Variants in ITPR2 observed in about 807,000 individuals in gnomAD.
ITPR2 encodes inositol 1,4,5-trisphosphate-gated calcium channel ITPR2.
A neutral mutation model predicts 317.1 loss-of-function variants in ITPR2; 207 were observed. The ratio of observed to expected loss-of-function variants is 0.65; its 90% CI spans 0.58 to 0.73. The LOEUF (loss-of-function observed/expected upper bound fraction) is 0.73, where lower values mean the gene tolerates loss of function less well. ITPR2 is among the 30% of genes least tolerant of loss of function. The pLI, the probability that ITPR2 is intolerant of heterozygous loss-of-function variation, is 0.00. For synonymous variants in ITPR2, 1,156 were observed against 1,149.1 expected (o/e 1.01, Z -0.12); for missense variants, 2,613 against 3,284.0 (o/e 0.80, Z 4.99).
chr12:26,514,702 G>A (rs761003876), intron 37 of ITPR2, among the ~76,000 whole-genome samples: 3 of 152,124 alleles, frequency 2.0e-5, no homozygotes, highest in African/African-American at 4.8e-5. Context: ...GCCAAGAACC[G>A]TATGTTAAAA....
intron 1 of ITPR2, 66 bp downstream of exon 1, chr12:26,832,624 G>A (rs1312574801): frequency 8.0e-7 from 1 of 1,243,194 alleles, no homozygotes; most frequent in African/African-American, 1.6e-5. Context: ...GGCGGCGGAG[G>A]AGGGACAGGG....
intron 37 of ITPR2, among the ~76,000 whole-genome samples, chr12:26,524,360 T>C (rs1352038357): frequency 6.6e-6 from 1 of 152,206 alleles, no homozygotes; most frequent in Non-Finnish European, 1.5e-5. Flanking sequence ...ACTCATCATT[T>C]TATTTGCAGG....
chr12:26,589,847 T>C (rs1208635682), intron 32 of ITPR2, among the ~76,000 whole-genome samples: 4 of 36,088 alleles, frequency 1.1e-4, no homozygotes, highest in East Asian at 1.2e-3. Context: ...TATATATATA[T>C]ATATATACAC....
At chr12:26,640,763 T>A (rs576729635) in intron 21 of ITPR2, among the ~76,000 whole-genome samples, 471 of 5,460 alleles carry the variant, frequency 0.086, 4 homozygotes, top group African/African-American at 0.3. Flanking sequence ...CTCTAAATAT[T>A]TTTTGTGCTT....
intron 55 of ITPR2, among the ~76,000 whole-genome samples, chr12:26,341,001 T>A (rs1938094597): frequency 6.6e-6 from 1 of 152,150 alleles, no homozygotes; most frequent in Non-Finnish European, 1.5e-5. Context: ...TTTGTGTGTG[T>A]GTGTGTTTTT....
At chr12:26,550,145 T>C (rs1944487761) in intron 37 of ITPR2, 102 bp downstream of exon 37, 1 of 552,032 alleles carries the variant, frequency 1.8e-6, no homozygotes, top group South Asian at 2.7e-5. Context: ...ATCATTAAGA[T>C]ATAATGCAAG....
chr12:26,483,989 T>G, intron 41 of ITPR2, 91 bp from the exon 42 acceptor site: 1 of 1,109,786 alleles, frequency 9.0e-7, no homozygotes, highest in Non-Finnish European at 1.3e-6. Context: ...TTTTCTAACT[T>G]TTCTTTGTAA....
At chr12:26,657,961 T>A in intron 17 of ITPR2, 50 bp downstream of exon 17, 1 of 1,601,586 alleles carries the variant, frequency 6.2e-7, no homozygotes, top group African/African-American at 1.3e-5. Flanking sequence ...AGAATTACAG[T>A]GCTTACAAAT....
At chr12:26,518,080 C>T (rs1241763937) in intron 37 of ITPR2, among the ~76,000 whole-genome samples, 1 of 152,132 alleles carries the variant, frequency 6.6e-6, no homozygotes, top group Non-Finnish European at 1.5e-5. Context: ...CAATGTTCAT[C>T]ACAACACCAT....
chr12:26,641,229 T>G (rs940687437), intron 21 of ITPR2, among the ~76,000 whole-genome samples: 1 of 151,728 alleles, frequency 6.6e-6, no homozygotes, highest in Non-Finnish European at 1.5e-5. Flanking sequence ...AAGGAGTGAT[T>G]CTTTGTTTAA....
chr12:26,749,706 C>T (rs1486846554), intron 2 of ITPR2, among the ~76,000 whole-genome samples: 1 of 152,170 alleles, frequency 6.6e-6, no homozygotes, highest in Non-Finnish European at 1.5e-5. Context: ...CCTTAATATT[C>T]CATTTTCTTC....
chr12:26,711,329 C>A, intron 8 of ITPR2, 61 bp from the exon 9 acceptor site: 2 of 1,142,598 alleles, frequency 1.8e-6, no homozygotes, highest in Non-Finnish European at 1.3e-6. Flanking sequence ...CAAGCAAACA[C>A]CAACAGTTTA....
intron 55 of ITPR2, among the ~76,000 whole-genome samples, chr12:26,374,126 A>T (rs1939270909): frequency 6.6e-6 from 1 of 152,190 alleles, no homozygotes; most frequent in African/African-American, 2.4e-5. Context: ...ATCACTTGTA[A>T]ACTCAAATGG....
At chr12:26,510,357 C>T (rs987708800) in intron 37 of ITPR2, among the ~76,000 whole-genome samples, 2 of 152,110 alleles carry the variant, frequency 1.3e-5, no homozygotes, top group African/African-American at 4.8e-5. Context: ...TGGTATTTGC[C>T]AACCATTTCA....
At chr12:26,674,061 G>A (rs867725364) in intron 13 of ITPR2, among the ~76,000 whole-genome samples, 2,849 of 139,768 alleles carry the variant, frequency 0.02, 41 homozygotes, top group Non-Finnish European at 0.032. Context: ...CAAACAAATG[G>A]AAGAACATTC....
At chr12:26,702,174 T>A (rs1174790917) in intron 9 of ITPR2, among the ~76,000 whole-genome samples, 2 of 152,134 alleles carry the variant, frequency 1.3e-5, no homozygotes, top group Non-Finnish European at 2.9e-5. Flanking sequence ...TCGATGAGTG[T>A]GTGGACAGCT....
chr12:26,539,702 C>T (rs1427679036), intron 37 of ITPR2, among the ~76,000 whole-genome samples: 1 of 152,168 alleles, frequency 6.6e-6, no homozygotes, highest in Non-Finnish European at 1.5e-5. Context: ...AACAGCAGTC[C>T]CCTGGTCCCA....
At chr12:26,783,757 T>A (rs1163217925) in intron 2 of ITPR2, among the ~76,000 whole-genome samples, 1 of 152,186 alleles carries the variant, frequency 6.6e-6, no homozygotes, top group Non-Finnish European at 1.5e-5. Context: ...TATGAGTACA[T>A]AACGTCTGTG....
Position 26,556,375 on chromosome 12 carries a change from C to G in ITPR2, c.4822G>C (p.Asp1608His). ...TGGTGCTCCAAGGAGGCCACTACAT[C>G]CTAGGGAATGAAACACAAGAGAACC... ...DYRNIIEKLQ[D>H]VVASLEHQFS... Residue 1608 changes from aspartate (D) to histidine (H), a missense_variant and splice_region_variant, in exon 36 of 57, where the codon GAT (aspartate) becomes CAT (histidine). By Grantham distance (81) the Asp-to-His change is moderately conservative (BLOSUM62 -1). Transcript: ENST00000381340. 1 of 1,609,580 alleles carries G rather than the reference C, an allele frequency of 6.2e-7. No homozygotes were observed. Among genetic ancestry groups the G allele is most frequent in the Non-Finnish European group, 8.5e-7 (1 of 1,178,738 alleles).
Sources: gnomAD v4.1 joint callset for allele counts (sites outside exome capture counted in the v4.1 genomes callset) on GRCh38, gnomAD v4.1.1 for gene constraint, MANE v1.5 for transcripts, NCBI Gene and HGNC (gene_info 2026-07-23, HGNC 2026-07-21) for gene names.